Variants in GK5 observed in about 807,000 individuals in gnomAD.
GK5 encodes the protein ATP:glycerol 3-phosphotransferase 5.
GK5 carries 39 observed loss-of-function variants against 77.3 expected under a neutral mutation model. That is an observed-to-expected ratio of 0.50 (90% CI 0.39 to 0.66). GK5 has a LOEUF of 0.66. Among genes scored for constraint, GK5 ranks in the 30% least tolerant of loss-of-function variants. The probability of loss-of-function intolerance (pLI) is 0.00; values close to 1 mark genes in which losing one functional copy is unlikely to be tolerated. For missense variants in GK5, 487 were observed against 633.8 expected (o/e 0.77, Z 2.49); for synonymous variants, 211 against 208.0 (o/e 1.01, Z -0.13).
chr3:142,183,642 T>A (rs2063725393), intron 9 of GK5, among the ~76,000 whole-genome samples: 1 of 152,160 alleles, frequency 6.6e-6, no homozygotes, highest in Non-Finnish European at 1.5e-5. Flanking sequence ...AGCTAATTTT[T>A]GTATTTTTAG....
At chr3:142,219,236 C>T (rs999168878) in intron 1 of GK5, among the ~76,000 whole-genome samples, 6 of 152,132 alleles carry the variant, frequency 3.9e-5, no homozygotes, top group Non-Finnish European at 8.8e-5. Context: ...AGGTTGTACA[C>T]AGGACTGGTT....
chr3:142,167,229 C>T (rs2063482455), intron 15 of GK5, among the ~76,000 whole-genome samples: 1 of 151,998 alleles, frequency 6.6e-6, no homozygotes, highest in African/African-American at 2.4e-5. Context: ...AAAAAATTAG[C>T]TGGGCGTGGT....
At chr3:142,213,393 A>G in intron 3 of GK5, 133 bp downstream of exon 3, 1 of 637,990 alleles carries the variant, frequency 1.6e-6, no homozygotes, top group Non-Finnish European at 2.9e-6. Flanking sequence ...GAAAGCAGGC[A>G]CATTTCATCC....
chr3:142,197,330 A>G (rs1396340314), intron 5 of GK5, among the ~76,000 whole-genome samples: 1 of 152,126 alleles, frequency 6.6e-6, no homozygotes, highest in Admixed American at 6.5e-5. Context: ...ACTGTTATAT[A>G]TTTATGATGA....
Position 142,164,870 on chromosome 3 carries a change from GTTAT to G in GK5, c.*748_*751del, listed in dbSNP as rs1351868365. 5.9e-5 allele frequency: 9 copies of G among 152,196 alleles called. No individual in the cohort carries two copies. The highest frequency in any genetic ancestry group is 2.9e-5 in the Non-Finnish European group (2 of 68,020). The allele number at this position is 152,196 out of a possible 1,614,324, so 9.4% of individuals were successfully genotyped here. ...TCAGCCAGAAGTTTTTGAAAGAAACGTTATTTGAGAAGGAAAATAAGTAGTATTT... is the reference window on the plus strand; with the variant it reads ...TCAGCCAGAAGTTTTTGAAAGAAACGTTGAGAAGGAAAATAAGTAGTATTT... On this transcript the variant is annotated 3_prime_UTR_variant, in exon 16 of 16. Coordinates refer to ENST00000392993, the MANE Select transcript of GK5 (RefSeq NM_001039547.3).
intron 5 of GK5, among the ~76,000 whole-genome samples, chr3:142,192,458 T>C (rs2063865686): frequency 6.6e-6 from 1 of 152,190 alleles, no homozygotes; most frequent in Non-Finnish European, 1.5e-5. Flanking sequence ...GTAACCAAGA[T>C]GTTTTTCAAT....
At chr3:142,219,429 G>A (rs1259384657) in intron 1 of GK5, among the ~76,000 whole-genome samples, 1 of 152,106 alleles carries the variant, frequency 6.6e-6, no homozygotes, top group Admixed American at 6.6e-5. Context: ...ATAACAATAT[G>A]GACAAATCTC....
Position 142,185,707 on chromosome 3 carries a change from T to A in GK5, c.816+222A>T, listed in dbSNP as rs2063760949. 4 of 1,469,340 alleles carry A rather than the reference T, an allele frequency of 2.7e-6. No homozygotes were observed. The South Asian group carries it at 5.1e-5, about 19-fold the overall frequency. 91.0% of individuals were successfully genotyped at this position (1,469,340 alleles called of 1,614,324 possible). ...TATACAAGCAAGTCAGAAAAGGTTA[T>A]AAAGTACTTCCATGATAGAATACTG... On this transcript the variant is annotated intron_variant, in intron 9 of 15. Coordinates refer to ENST00000392993, the MANE Select transcript of GK5 (RefSeq NM_001039547.3).
chr3:142,163,513 GC>G lies in GK5; in HGVS notation c.*2108del, dbSNP rs2063442119. On this transcript the variant is annotated 3_prime_UTR_variant, in exon 16 of 16. Transcript: ENST00000392993. ...TTGGACTCCTGACCTCAAATGATCC[GC>G]CCACTTCAGCCTGCCAAAGTGCTGG... 6.6e-6 allele frequency: 1 copy of G among 151,862 alleles called. No homozygotes were observed. Among genetic ancestry groups the G allele is most frequent in the Non-Finnish European group, 1.5e-5 (1 of 68,032 alleles). 9.4% of individuals were successfully genotyped at this position (151,862 alleles called of 1,614,324 possible).
At chr3:142,174,786 C>T (rs531782101) in intron 12 of GK5, among the ~76,000 whole-genome samples, 73 of 152,262 alleles carry the variant, frequency 4.8e-4, no homozygotes, top group African/African-American at 1.4e-3. Context: ...CTGACTGAAA[C>T]GCAAAAGGAC....
At chr3:142,182,861 G>A in intron 10 of GK5, 62 bp downstream of exon 10, 2 of 1,170,652 alleles carry the variant, frequency 1.7e-6, no homozygotes, top group Non-Finnish European at 1.2e-6. Context: ...AAGTATCACA[G>A]AAGTTAAATA....
Position 142,169,935 on chromosome 3 carries a change from A to C in GK5, c.1441+390T>G, listed in dbSNP as rs1410392809. ...TGATCCACCCGCTTCAGCCTCCCAA[A>C]GTGCTGGGATTACAGGCATGAGCCA... On this transcript the variant is annotated intron_variant, in intron 15 of 15. Coordinates refer to ENST00000392993, the MANE Select transcript of GK5 (RefSeq NM_001039547.3). Among the ~76,000 whole-genome samples the C allele has an allele frequency of 3.3e-5, 5 of 151,998 alleles. No individual in the cohort carries two copies. In the East Asian group the frequency reaches 9.6e-4, roughly 29 times the overall value.
chr3:142,211,052 T>G (rs764329049), intron 3 of GK5, among the ~76,000 whole-genome samples: 2 of 152,402 alleles, frequency 1.3e-5, no homozygotes, highest in South Asian at 4.1e-4. Flanking sequence ...TAGCTTGCTT[T>G]TCTTTTCTCC....
chr3:142,209,309 T>C (rs751085662), intron 3 of GK5, among the ~76,000 whole-genome samples: 17 of 152,176 alleles, frequency 1.1e-4, no homozygotes, highest in Non-Finnish European at 2.5e-4. Context: ...TGCTATATGT[T>C]CAAATGTCCT....
In GK5 at chr3:142,159,591, C is replaced by G; in HGVS notation, c.*6031G>C. ...CCAATGACTTAGGTGCCAATAGATGCTGGTGCCAAAATATTTATGGCTATG... is the reference window on the plus strand; with the variant it reads ...CCAATGACTTAGGTGCCAATAGATGGTGGTGCCAAAATATTTATGGCTATG... On this transcript the variant is annotated 3_prime_UTR_variant, in exon 16 of 16. Coordinates refer to ENST00000392993, the MANE Select transcript of GK5 (RefSeq NM_001039547.3). 6.6e-6 allele frequency: 1 copy of G among 150,854 alleles called. No individual in the cohort carries two copies. The highest frequency in any genetic ancestry group is 1.9e-4 in the East Asian group (1 of 5,150). 9.3% of individuals were successfully genotyped at this position (150,854 alleles called of 1,614,324 possible).
chr3:142,169,807 G>T (rs1312738432), intron 15 of GK5, among the ~76,000 whole-genome samples: 1 of 151,666 alleles, frequency 6.6e-6, no homozygotes, highest in East Asian at 1.9e-4. Flanking sequence ...CAAGTAGTTG[G>T]GATTACAGGC....
intron 3 of GK5, among the ~76,000 whole-genome samples, chr3:142,213,036 G>A (rs192969447): frequency 3.3e-5 from 5 of 151,560 alleles, no homozygotes; most frequent in Admixed American, 1.3e-4. Context: ...GGGTTTCACC[G>A]TGTTAGCCAG....
chr3:142,180,140 G>A (rs1477042543), intron 11 of GK5, among the ~76,000 whole-genome samples: 2 of 152,106 alleles, frequency 1.3e-5, no homozygotes, highest in African/African-American at 4.8e-5. Context: ...TAAGAGTATG[G>A]GGGGAAATCC....
chr3:142,206,722 G>C (rs1206878080), intron 3 of GK5, among the ~76,000 whole-genome samples: 1 of 152,138 alleles, frequency 6.6e-6, no homozygotes, highest in Non-Finnish European at 1.5e-5. Context: ...CCCATTCCAT[G>C]ACTTGTTTTA....
Sources: allele counts gnomAD v4.1 joint callset (sites outside exome capture counted in the v4.1 genomes callset), GRCh38; gene constraint gnomAD v4.1.1; transcripts MANE v1.5; gene names NCBI Gene and HGNC (gene_info 2026-07-23, HGNC 2026-07-21).